The following RAE1 variants were observed in gnomAD, a reference collection of about 807,000 sequenced individuals.
The protein encoded by RAE1 is mRNA export factor RAE1.
Under a neutral mutation model 52.7 loss-of-function variants are expected in RAE1, and 13 were observed. The ratio of observed to expected loss-of-function variants is 0.25; its 90% CI spans 0.16 to 0.39. The LOEUF is 0.39. Ranked by LOEUF, RAE1 falls within the 10% of genes least tolerant of loss-of-function variation. The pLI, the probability that RAE1 is intolerant of heterozygous loss-of-function variation, is 1.00. For missense variants in RAE1, 262 were observed against 459.8 expected, an observed-to-expected ratio of 0.57 and a Z score of 3.93; for synonymous variants, 164 against 153.1, an observed-to-expected ratio of 1.07 and a Z score of -0.52.
At chr20:57,362,145 G>C (rs904670696) in intron 4 of RAE1, among the ~76,000 whole-genome samples, 1 of 152,180 alleles carries the variant, frequency 6.6e-6, no homozygotes, top group African/African-American at 2.4e-5. Flanking sequence ...CATGAAACTG[G>C]TCCCTGGTGC....
chr20:57,363,715 G>A (rs185871324), intron 4 of RAE1, among the ~76,000 whole-genome samples: 1 of 152,088 alleles, frequency 6.6e-6, no homozygotes, highest in Non-Finnish European at 1.5e-5. Flanking sequence ...TAAAATGAAG[G>A]TAATAACACA....
chr20:57,373,358 G>A, intron 8 of RAE1, 117 bp from the exon 9 acceptor site: 2 of 921,406 alleles, frequency 2.2e-6, no homozygotes, highest in Non-Finnish European at 3.3e-6. Flanking sequence ...TCATATTTGA[G>A]TGATTTTTTC....
intron 10 of RAE1, 87 bp downstream of exon 10, chr20:57,373,825 C>T: frequency 7.4e-7 from 1 of 1,351,660 alleles, no homozygotes; most frequent in Non-Finnish European, 1.1e-6. Flanking sequence ...AGAAAAGACT[C>T]ATCACTGAAG....
chr20:57,376,851 G>C (rs2146184732), intron 11 of RAE1, among the ~76,000 whole-genome samples: 1 of 152,344 alleles, frequency 6.6e-6, no homozygotes, highest in Admixed American at 6.5e-5. Context: ...GTTAAAAAAT[G>C]TAGTAAATTG....
chr20:57,363,428 A>G (rs1317071108), intron 4 of RAE1, among the ~76,000 whole-genome samples: 3 of 152,136 alleles, frequency 2.0e-5, no homozygotes, highest in Non-Finnish European at 2.9e-5. Flanking sequence ...CAGGAGGATC[A>G]CTTGATCCCA....
At chr20:57,367,670 G>A (rs974999773) in intron 7 of RAE1, among the ~76,000 whole-genome samples, 1 of 149,066 alleles carries the variant, frequency 6.7e-6, no homozygotes, top group African/African-American at 2.5e-5. Context: ...AACCCAGCAA[G>A]TAGAGGTTGA....
intron 11 of RAE1, among the ~76,000 whole-genome samples, chr20:57,376,093 G>A (rs947193133): frequency 1.3e-5 from 2 of 152,240 alleles, no homozygotes; most frequent in African/African-American, 2.4e-5. Flanking sequence ...AGTCTCAGGA[G>A]CGTGGCTGCA....
chr20:57,370,997 T>C lies in RAE1; in HGVS notation c.642+2185T>C, dbSNP rs143144600. On this transcript the variant is annotated intron_variant, in intron 8 of 11. Coordinates refer to ENST00000395841, the MANE Select transcript of RAE1 (RefSeq NM_003610.4). ...CCAGAAATCTTGAGGTCACCCCTGATTGGAACTTTCCCTCTCCTGTCTCAC... is the reference window on the plus strand; with the variant it reads ...CCAGAAATCTTGAGGTCACCCCTGACTGGAACTTTCCCTCTCCTGTCTCAC... 9.2e-3 allele frequency: 1,403 copies of C among 152,308 alleles called. 5 individuals are homozygous for C. The highest frequency in any genetic ancestry group is 0.013 in the Non-Finnish European group (898 of 68,020). The allele number at this position is 152,308 out of a possible 1,614,324, so 9.4% of individuals were successfully genotyped here.
At position 57,358,102 on chromosome 20, in the gene RAE1, G is replaced by A. The variant is rs112954957; in HGVS notation, c.288+1564G>A. Reference sequence around the variant, plus strand: ...ATTAAAATTAGAGGATCTGGTATAGGGAGGGGGGTTCATAAGAGGAGAGCG... The same window carrying A: ...ATTAAAATTAGAGGATCTGGTATAGAGAGGGGGGTTCATAAGAGGAGAGCG... On this transcript the variant is annotated intron_variant, in intron 4 of 11. Coordinates refer to ENST00000395841, the MANE Select transcript of RAE1 (RefSeq NM_003610.4). 456 of 152,256 alleles carry A rather than the reference G, an allele frequency of 3.0e-3. 2 individuals carry two copies. The highest frequency in any genetic ancestry group is 0.01 in the African/African-American group (436 of 41,540). 9.4% of individuals were successfully genotyped at this position (152,256 alleles called of 1,614,324 possible).
intron 1 of RAE1, chr20:57,351,886 T>A: frequency 1.0e-6 from 1 of 985,452 alleles, no homozygotes; most frequent in Non-Finnish European, 1.2e-6. Context: ...TGTATACGTA[T>A]ATAGGTGCCA....
intron 4 of RAE1, among the ~76,000 whole-genome samples, chr20:57,363,218 A>C (rs2146149872): frequency 6.6e-6 from 1 of 152,218 alleles, no homozygotes; most frequent in South Asian, 2.1e-4. Context: ...TAATCTTTCT[A>C]AATTTGTTTT....
rs553342893 is a variant in RAE1, at chr20:57,354,854, C to T, written c.195+38C>T. ...TAAATACGTGTTCTAGAAATCATCT[C>T]TCTTTGTATGGCCAAGGTTAGCTTT... On this transcript the variant is annotated intron_variant, in intron 3 of 11. Transcript: ENST00000395841. 345 of 1,460,532 alleles carry T rather than the reference C, an allele frequency of 2.4e-4. 6 individuals are homozygous for T. In the South Asian group the frequency reaches 4.0e-3, roughly 17 times the overall value. 90.5% of individuals were successfully genotyped at this position (1,460,532 alleles called of 1,614,324 possible). A position where few individuals can be genotyped will look rare whatever the true frequency, so the allele number is the denominator to read the frequency against.
intron 4 of RAE1, among the ~76,000 whole-genome samples, chr20:57,357,002 G>A (rs930056202): frequency 2.0e-5 from 3 of 152,208 alleles, no homozygotes; most frequent in African/African-American, 7.2e-5. Flanking sequence ...GCTGCTGGTG[G>A]CTGAACCCAA....
At chr20:57,368,284 C>T (rs926206148) in intron 7 of RAE1, among the ~76,000 whole-genome samples, 4 of 151,984 alleles carry the variant, frequency 2.6e-5, no homozygotes, top group East Asian at 1.9e-4. Flanking sequence ...TTTGAGGGGA[C>T]GTTAGAAGCC....
At chr20:57,356,081 T>C (rs1280771006) in intron 3 of RAE1, among the ~76,000 whole-genome samples, 1 of 152,212 alleles carries the variant, frequency 6.6e-6, no homozygotes, top group Non-Finnish European at 1.5e-5. Context: ...AATGTATTAC[T>C]TTTTTAACGG....
At chr20:57,357,334 A>G (rs939398622) in intron 4 of RAE1, 2 of 152,184 alleles carry the variant, frequency 1.3e-5, no homozygotes, top group Non-Finnish European at 2.9e-5. Context: ...TTGCTTTTAC[A>G]AGAGTATCAT....
chr20:57,377,777 T>TGTG (rs879329705), intron 11 of RAE1, among the ~76,000 whole-genome samples: 6,081 of 152,280 alleles, frequency 0.04, 182 homozygotes, highest in African/African-American at 0.09. Context: ...CACAGGTTCC[T>TGTG]ACTCACAGAC....
chr20:57,367,856 G>T (rs938861236), intron 7 of RAE1, among the ~76,000 whole-genome samples: 5 of 151,710 alleles, frequency 3.3e-5, no homozygotes, highest in Non-Finnish European at 5.9e-5. Context: ...TTTATCACAA[G>T]AAAATAATCA....
chr20:57,372,816 A>G (rs1325221052), intron 8 of RAE1: 1 of 152,380 alleles, frequency 6.6e-6, no homozygotes. Context: ...TGGCCCTCCA[A>G]GCTTTGGCCA....
Sources: gnomAD v4.1 joint callset for allele counts (sites outside exome capture counted in the v4.1 genomes callset) on GRCh38, gnomAD v4.1.1 for gene constraint, MANE v1.5 for transcripts, NCBI Gene and HGNC (gene_info 2026-07-23, HGNC 2026-07-21) for gene names.